Variants in AFF3 observed in about 807,000 individuals in gnomAD.
AFF3 encodes AF4/FMR2 family member 3.
In AFF3, 32 loss-of-function variants were observed where a neutral mutation model predicts 129.7. The observed-to-expected ratio is 0.25, with a 90% CI of 0.19 to 0.33. The LOEUF is 0.33. Among genes scored for constraint, AFF3 ranks in the 10% least tolerant of loss-of-function variants. The pLI is 1.00. For synonymous variants in AFF3, 644 were observed against 635.4 expected, an observed-to-expected ratio of 1.01 and a Z score of -0.20; for missense variants, 1,373 against 1,592.0, an observed-to-expected ratio of 0.86 and a Z score of 2.34.
At chr2:99,622,289 T>C (rs561941494) in intron 13 of AFF3, among the ~76,000 whole-genome samples, 2 of 152,176 alleles carry the variant, frequency 1.3e-5, no homozygotes, top group South Asian at 2.1e-4. Flanking sequence ...TGATCGAAGA[T>C]GGCTCCCACG....
intron 5 of AFF3, 116 bp from the exon 6 acceptor site, chr2:100,007,576 TGA>T: frequency 1.1e-6 from 1 of 951,218 alleles, no homozygotes; most frequent in Non-Finnish European, 1.6e-6. Flanking sequence ...GAATGAGAGC[TGA>T]GAGATGAAAT....
intron 8 of AFF3, among the ~76,000 whole-genome samples, chr2:99,784,600 C>T (rs144008953): frequency 1.1e-4 from 17 of 152,276 alleles, no homozygotes; most frequent in East Asian, 5.8e-4. Flanking sequence ...TAAAGCTTTG[C>T]GCAGTATTAA....
At chr2:100,064,219 A>G (rs12616495) in intron 4 of AFF3, among the ~76,000 whole-genome samples, 39,427 of 152,160 alleles carry the variant, frequency 0.26, 5,549 homozygotes, top group Admixed American at 0.41. Flanking sequence ...CAGAAAACAC[A>G]AAGCCAGCAT....
intron 7 of AFF3, among the ~76,000 whole-genome samples, chr2:99,933,716 G>A (rs1011712025): frequency 5.3e-5 from 8 of 152,102 alleles, no homozygotes; most frequent in Non-Finnish European, 1.2e-4. Context: ...TGGTGTATAT[G>A]TGCCACATTT....
At chr2:100,131,620 C>A (rs974368603) in intron 1 of AFF3, among the ~76,000 whole-genome samples, 1 of 151,938 alleles carries the variant, frequency 6.6e-6, no homozygotes, top group African/African-American at 2.4e-5. Context: ...CCACCACACC[C>A]GGCTAATTTT....
intron 15 of AFF3, among the ~76,000 whole-genome samples, chr2:99,592,931 C>T (rs1678838874): frequency 1.1e-5 from 1 of 88,180 alleles, no homozygotes; most frequent in Non-Finnish European, 2.3e-5. Flanking sequence ...GTGAGACTCC[C>T]TCCCCCCCCC....
chr2:100,090,521 T>C (rs192207023), intron 4 of AFF3, among the ~76,000 whole-genome samples: 3 of 152,342 alleles, frequency 2.0e-5, no homozygotes, highest in African/African-American at 7.2e-5. Flanking sequence ...GTGAAGCCTG[T>C]TTAATTAGAA....
chr2:100,029,231 A>AT (rs1161954330), intron 4 of AFF3, among the ~76,000 whole-genome samples: 1 of 152,198 alleles, frequency 6.6e-6, no homozygotes, highest in East Asian at 1.9e-4. Flanking sequence ...AAATTGGGTC[A>AT]TTAGGGTGGG....
intron 7 of AFF3, among the ~76,000 whole-genome samples, chr2:99,977,785 T>G (rs868070033): frequency 0.029 from 4,354 of 152,304 alleles, 123 homozygotes; most frequent in African/African-American, 0.071. Flanking sequence ...TCACCTGTTG[T>G]GGCCTTACAG....
chr2:99,873,240 C>A (rs182506053), intron 7 of AFF3, among the ~76,000 whole-genome samples: 1 of 152,172 alleles, frequency 6.6e-6, no homozygotes. Flanking sequence ...GTGAAACTGG[C>A]ATTTTTTAAA....
intron 2 of AFF3, chr2:100,107,195 C>T: frequency 1.0e-6 from 1 of 985,272 alleles, no homozygotes; most frequent in Non-Finnish European, 1.2e-6. Context: ...AGTTGCAGAT[C>T]CTGTTTTTTA....
Position 99,594,194 on chromosome 2 carries a change from G to T in AFF3, c.1467C>A (p.His489Gln). 1 of 1,614,048 alleles carries T rather than the reference G, an allele frequency of 6.2e-7. No homozygotes were observed. Among genetic ancestry groups the T allele is most frequent in the East Asian group, 2.2e-5 (1 of 44,870 alleles). The change falls in exon 15 of 25, where the codon CAC becomes CAA. Residue 489 changes from histidine to glutamine, a missense_variant. His to Gln is a conservative substitution (Grantham distance 24). Coordinates refer to ENST00000672756, the MANE Select transcript of AFF3 (RefSeq NM_001386135.1). ...TGTAGTACTGATTGCTCTCTGACCC[G>T]TGGCTTTCATTTTGGATCAGAATAG... ...KPPILIQNESHGSESNQYYNP... is the reference protein window; with the variant it reads ...KPPILIQNESQGSESNQYYNP...
chr2:99,636,465 G>C (rs1172824142), intron 13 of AFF3, among the ~76,000 whole-genome samples: 1 of 152,236 alleles, frequency 6.6e-6, no homozygotes, highest in Non-Finnish European at 1.5e-5. Flanking sequence ...GAACCGACCT[G>C]AAATTAATGA....
At chr2:99,669,634 C>T (rs6719965) in intron 12 of AFF3, among the ~76,000 whole-genome samples, 89,783 of 151,852 alleles carry the variant, frequency 0.59, 27,591 homozygotes, top group African/African-American at 0.77. Context: ...TTATGTCATA[C>T]ACATATAAAA....
At chr2:99,798,499 G>A (rs1685706752) in intron 8 of AFF3, among the ~76,000 whole-genome samples, 1 of 151,680 alleles carries the variant, frequency 6.6e-6, no homozygotes, top group African/African-American at 2.4e-5. Context: ...TAAAATCCCA[G>A]TTAAAAGACA....
intron 11 of AFF3, among the ~76,000 whole-genome samples, chr2:99,699,722 G>C (rs1484702654): frequency 6.6e-6 from 1 of 152,166 alleles, no homozygotes; most frequent in East Asian, 1.9e-4. Context: ...TATGGGCATA[G>C]GGCATGGGCA....
At chr2:99,740,327 CA>C (rs1348412170) in intron 10 of AFF3, among the ~76,000 whole-genome samples, 1 of 151,396 alleles carries the variant, frequency 6.6e-6, no homozygotes, top group Admixed American at 6.6e-5. Context: ...GGTATATACC[CA>C]GTAATGGGAT....
intron 8 of AFF3, among the ~76,000 whole-genome samples, chr2:99,835,366 A>G (rs2105781309): frequency 6.6e-6 from 1 of 152,182 alleles, no homozygotes; most frequent in Admixed American, 6.5e-5. Context: ...ACAATCTTGG[A>G]GGAAGCCTGG....
chr2:99,936,540 A>T (rs1576383293), intron 7 of AFF3, among the ~76,000 whole-genome samples: 6 of 152,196 alleles, frequency 3.9e-5, no homozygotes, highest in Non-Finnish European at 1.5e-5. Flanking sequence ...ATGCCGTTTG[A>T]GGCTGTGTAC....
Sources: gnomAD v4.1 joint callset for allele counts (sites outside exome capture counted in the v4.1 genomes callset) on GRCh38, gnomAD v4.1.1 for gene constraint, MANE v1.5 for transcripts, NCBI Gene and HGNC (gene_info 2026-07-23, HGNC 2026-07-21) for gene names.